The following HIVEP3 variants were observed in gnomAD, a reference collection of about 807,000 sequenced individuals.
HIVEP3 encodes the protein transcription factor HIVEP3.
Under a neutral mutation model 152.8 loss-of-function variants are expected in HIVEP3, and 49 were observed. The ratio of observed to expected loss-of-function variants is 0.32; its 90% CI spans 0.26 to 0.41. The LOEUF (loss-of-function observed/expected upper bound fraction) is 0.41, where lower values mean the gene tolerates loss of function less well. Among genes scored for constraint, HIVEP3 ranks in the 10% least tolerant of loss-of-function variants. The pLI, the probability that HIVEP3 is intolerant of heterozygous loss-of-function variation, is 1.00. For synonymous variants in HIVEP3, 1,269 were observed against 1,289.0 expected, an observed-to-expected ratio of 0.98 and a Z score of 0.33; for missense variants, 2,790 against 3,103.3, an observed-to-expected ratio of 0.90 and a Z score of 2.40.
chr1:41,766,803 A>G (rs1648040159), intron 1 of HIVEP3, among the ~76,000 whole-genome samples: 1 of 152,218 alleles, frequency 6.6e-6, no homozygotes, highest in Non-Finnish European at 1.5e-5. Context: ...ATGGACTCCA[A>G]CATACCTCCA....
intron 1 of HIVEP3, among the ~76,000 whole-genome samples, chr1:41,904,155 C>T (rs1644672647): frequency 6.6e-6 from 1 of 152,104 alleles, no homozygotes; most frequent in Admixed American, 6.5e-5. Context: ...CCTCGGCCTC[C>T]CAAAGTCTTG....
At chr1:42,009,660 T>C (rs545454778) in intron 1 of HIVEP3, among the ~76,000 whole-genome samples, 1 of 152,316 alleles carries the variant, frequency 6.6e-6, no homozygotes, top group East Asian at 1.9e-4. Flanking sequence ...AAATTCATCA[T>C]AATGTGTCTT....
chr1:41,886,666 C>T (rs926004623), intron 1 of HIVEP3, among the ~76,000 whole-genome samples: 9 of 139,548 alleles, frequency 6.4e-5, no homozygotes, highest in African/African-American at 2.2e-4. Flanking sequence ...GAGCTGAGAT[C>T]GCGCCATTGC....
At position 41,882,672 on chromosome 1, in the gene HIVEP3, C is replaced by T. The variant is rs147854614; in HGVS notation, c.-801+35741G>A. Reference sequence around the variant, plus strand: ...AACAATCACCAGTCTGTATCCTCAGCAGACTGTGAGCTCCTGGAAGTCCCC... The same window carrying T: ...AACAATCACCAGTCTGTATCCTCAGTAGACTGTGAGCTCCTGGAAGTCCCC... On this transcript the variant is annotated intron_variant, in intron 1 of 8. Coordinates refer to ENST00000372583, the MANE Select transcript of HIVEP3 (RefSeq NM_024503.5). Among the ~76,000 whole-genome samples the T allele has an allele frequency of 7.6e-4, 116 of 152,322 alleles. 1 individual carries two copies. Among genetic ancestry groups the T allele is most frequent in the African/African-American group, 2.8e-3 (116 of 41,574 alleles).
intron 1 of HIVEP3, among the ~76,000 whole-genome samples, chr1:41,749,909 A>G (rs928273443): frequency 2.6e-5 from 4 of 152,226 alleles, no homozygotes; most frequent in African/African-American, 9.6e-5. Flanking sequence ...TCTGCATGAA[A>G]TGTTACATGA....
chr1:41,577,995 G>A (rs546437561), intron 4 of HIVEP3, among the ~76,000 whole-genome samples: 23 of 152,304 alleles, frequency 1.5e-4, no homozygotes, highest in African/African-American at 5.1e-4. Flanking sequence ...AATAATTGCC[G>A]AATCCAAATT....
chr1:41,665,562 T>A (rs1645782143), intron 2 of HIVEP3, among the ~76,000 whole-genome samples: 1 of 150,896 alleles, frequency 6.6e-6, no homozygotes, highest in African/African-American at 2.4e-5. Context: ...TACACTGCTG[T>A]TTGACAAGGT....
chr1:42,003,914 T>C (rs1427764452), intron 1 of HIVEP3, among the ~76,000 whole-genome samples: 1 of 152,124 alleles, frequency 6.6e-6, no homozygotes, highest in Non-Finnish European at 1.5e-5. Flanking sequence ...AATGTGTCGT[T>C]TTTCTGTCTC....
chr1:42,000,812 C>A (rs533712954), intron 1 of HIVEP3, among the ~76,000 whole-genome samples: 1 of 152,184 alleles, frequency 6.6e-6, no homozygotes, highest in Non-Finnish European at 1.5e-5. Flanking sequence ...AGCAACCAAT[C>A]GCTCCCCAGC....
At chr1:42,033,965 T>C (rs546440627) in intron 1 of HIVEP3, among the ~76,000 whole-genome samples, 1 of 152,340 alleles carries the variant, frequency 6.6e-6, no homozygotes, top group East Asian at 1.9e-4. Flanking sequence ...GTAAAATTAG[T>C]AGCTTAATAT....
At chr1:41,531,831 T>G (rs1389803877) in intron 5 of HIVEP3, among the ~76,000 whole-genome samples, 6 of 23,870 alleles carry the variant, frequency 2.5e-4, no homozygotes, top group East Asian at 1.9e-3. Context: ...ACAGGGGAGA[T>G]GGAGGACAGG....
At chr1:41,643,462 C>T (rs182732155) in intron 2 of HIVEP3, among the ~76,000 whole-genome samples, 32 of 152,346 alleles carry the variant, frequency 2.1e-4, no homozygotes, top group Admixed American at 1.4e-3. Context: ...GCTGAACAGA[C>T]GAGTGCATGA....
rs76868990 is a variant in HIVEP3 at position 41,941,226 on chromosome 1, G to C, written n.120-22702C>G. ...AGGAATGGGGCAGTGGGTAGAGTAG[G>C]GCAAGCAGTCAAGGAAGAGGTGGTT... On this transcript the variant is annotated intron_variant and non_coding_transcript_variant, in intron 1 of 3. Transcript: ENST00000489103. Among the ~76,000 whole-genome samples the C allele has an allele frequency of 9.0e-3, 1,374 of 152,270 alleles. 29 individuals carry two copies. The highest frequency in any genetic ancestry group is 0.031 in the African/African-American group (1,278 of 41,538).
chr1:41,741,023 C>T (rs932902233), intron 1 of HIVEP3, among the ~76,000 whole-genome samples: 2 of 152,054 alleles, frequency 1.3e-5, no homozygotes, highest in African/African-American at 4.8e-5. Flanking sequence ...ATTTCCTGGA[C>T]TCCTACCATG....
At position 41,511,079 on chromosome 1, in the gene HIVEP3, C is replaced by T. The variant is rs1281110730; in HGVS notation, c.6593G>A (p.Gly2198Asp). Residue 2198 changes from glycine to aspartate, a missense_variant, in exon 9 of 9, where the codon GGT (glycine) becomes GAT (aspartate). Gly to Asp is a moderately conservative substitution (Grantham distance 94). Coordinates refer to ENST00000372583, the MANE Select transcript of HIVEP3 (RefSeq NM_024503.5). This position sits in a 1 kb window ranked among gnomAD's most constrained non-coding sequence, Gnocchi z 4.9. ...TRAPCPLIPI[G>D]GIQMVQARPG... ...CCGGGCCTGCACCATCTGGATCCCACCGATGGGAATCAAGGGACATGGGGC... is the reference window on the plus strand; with the variant it reads ...CCGGGCCTGCACCATCTGGATCCCATCGATGGGAATCAAGGGACATGGGGC... 6.2e-7 allele frequency: 1 copy of T among 1,613,962 alleles called. No individual in the cohort carries two copies. Among genetic ancestry groups the T allele is most frequent in the Non-Finnish European group, 8.5e-7 (1 of 1,180,016 alleles).
At chr1:41,727,154 T>C (rs769052864) in intron 1 of HIVEP3, among the ~76,000 whole-genome samples, 7 of 152,190 alleles carry the variant, frequency 4.6e-5, no homozygotes, top group East Asian at 1.9e-4. Context: ...GGTTTTTCTA[T>C]GTGCTAGTTA....
intron 1 of HIVEP3, among the ~76,000 whole-genome samples, chr1:41,789,043 C>T (rs1468598418): frequency 6.6e-6 from 1 of 152,228 alleles, no homozygotes; most frequent in Non-Finnish European, 1.5e-5. Context: ...CAACCCTGTG[C>T]TCTCCTCACC....
chr1:41,987,139 G>A (rs114878159), intron 1 of HIVEP3, among the ~76,000 whole-genome samples: 4 of 152,148 alleles, frequency 2.6e-5, no homozygotes, highest in African/African-American at 9.7e-5. Context: ...ATGAAACAAT[G>A]TTTCTGCCCT....
chr1:41,789,975 T>C (rs1343704723), intron 1 of HIVEP3, among the ~76,000 whole-genome samples: 1 of 152,210 alleles, frequency 6.6e-6, no homozygotes, highest in South Asian at 2.1e-4. Context: ...TCCTCTGCCA[T>C]GTCAAACAAG....
Sources: gnomAD v4.1 joint callset for allele counts (sites outside exome capture counted in the v4.1 genomes callset) on GRCh38, gnomAD v4.1.1 for gene constraint, Gnocchi (gnomAD v3.1) non-coding constraint, MANE v1.5 for transcripts, NCBI Gene and HGNC (gene_info 2026-07-23, HGNC 2026-07-21) for gene names.